The following GALNTL6 variants were observed in gnomAD, a reference collection of about 807,000 sequenced individuals.
The protein encoded by GALNTL6 is polypeptide N-acetylgalactosaminyltransferase-like 6.
GALNTL6 carries 46 observed loss-of-function variants against 73.7 expected under a neutral mutation model. The observed-to-expected ratio is 0.62, with a 90% confidence interval of 0.49 to 0.80. The LOEUF is 0.80. GALNTL6 is among the 30% of genes least tolerant of loss of function. GALNTL6 has a pLI of 0.00. For synonymous variants in GALNTL6, 259 were observed against 263.7 expected, an observed-to-expected ratio of 0.98 and a Z score of 0.17; for missense variants, 604 against 755.0, an observed-to-expected ratio of 0.80 and a Z score of 2.34.
chr4:171,961,311 G>A (rs974302533), intron 2 of GALNTL6, among the ~76,000 whole-genome samples: 30 of 152,162 alleles, frequency 2.0e-4, no homozygotes, highest in African/African-American at 6.8e-4. Flanking sequence ...CCTGTGGAAA[G>A]TAAAGAATAT....
intron 5 of GALNTL6, among the ~76,000 whole-genome samples, chr4:172,696,951 A>G (rs1364560994): frequency 6.6e-6 from 1 of 152,234 alleles, no homozygotes; most frequent in South Asian, 2.1e-4. Flanking sequence ...GTCACATTGT[A>G]TATTCAATAA....
intron 2 of GALNTL6, among the ~76,000 whole-genome samples, chr4:171,889,709 C>T (rs1190407015): frequency 1.3e-5 from 2 of 151,970 alleles, no homozygotes; most frequent in Non-Finnish European, 2.9e-5. Context: ...AAAAAGATGA[C>T]AAACTTTCTT....
intron 5 of GALNTL6, among the ~76,000 whole-genome samples, chr4:172,446,929 T>C (rs1579079118): frequency 6.6e-6 from 1 of 152,320 alleles, no homozygotes; most frequent in East Asian, 1.9e-4. Context: ...CCACATGCTA[T>C]TATTTTTCTC....
intron 12 of GALNTL6, among the ~76,000 whole-genome samples, chr4:173,022,030 A>AGAAGGAAGGAAGGAAG (rs750348404): frequency 4.2e-4 from 29 of 69,232 alleles, no homozygotes; most frequent in African/African-American, 1.3e-3. Context: ...AAGGAAGGAA[A>AGAAGGAAGGAAGGAAG]GAAGGAAGGA....
chr4:172,987,712 G>C (rs1439238580), intron 10 of GALNTL6, among the ~76,000 whole-genome samples: 11 of 147,690 alleles, frequency 7.4e-5, no homozygotes, highest in Non-Finnish European at 1.5e-5. Flanking sequence ...TCATGATAGT[G>C]AATGAGTTCT....
At chr4:172,822,547 C>T (rs62340297) in intron 7 of GALNTL6, among the ~76,000 whole-genome samples, 42,604 of 152,012 alleles carry the variant, frequency 0.28, 8,394 homozygotes, top group African/African-American at 0.55. Flanking sequence ...TTGGTAACAT[C>T]GCCTCTTAAA....
At chr4:172,477,189 CAG>C (rs34999026) in intron 5 of GALNTL6, among the ~76,000 whole-genome samples, 93,140 of 147,934 alleles carry the variant, frequency 0.63, 30,096 homozygotes, top group South Asian at 0.82. Context: ...ATGTGTAAAG[CAG>C]AGAGAGAGAG....
chr4:171,951,842 G>A (rs1434372542), intron 2 of GALNTL6, among the ~76,000 whole-genome samples: 1 of 151,936 alleles, frequency 6.6e-6, no homozygotes, highest in African/African-American at 2.4e-5. Context: ...CAAAACTTGA[G>A]GGATAAAGCT....
intron 5 of GALNTL6, among the ~76,000 whole-genome samples, chr4:172,573,162 A>G (rs918879046): frequency 1.2e-4 from 18 of 152,284 alleles, no homozygotes; most frequent in East Asian, 9.6e-4. Context: ...TAAAATATAA[A>G]AACAATTATA....
chr4:172,270,647 A>G (rs552197048), intron 3 of GALNTL6, among the ~76,000 whole-genome samples: 1 of 152,246 alleles, frequency 6.6e-6, no homozygotes, highest in East Asian at 1.9e-4. Flanking sequence ...TCAATTACTC[A>G]TATGGTGCTT....
At chr4:172,485,741 C>G (rs1733642208) in intron 5 of GALNTL6, among the ~76,000 whole-genome samples, 1 of 152,104 alleles carries the variant, frequency 6.6e-6, no homozygotes, top group Admixed American at 6.5e-5. Context: ...TGTCCTGGGG[C>G]ATTGTTTTGC....
chr4:172,759,799 CTTTTTTTTTTTTTTTTTTTTTTTTTTTT>C lies in GALNTL6; in HGVS notation c.554-49541_554-49514del, dbSNP rs764391767. On this transcript the variant is annotated intron_variant, in intron 5 of 12. Transcript: ENST00000506823. ...CTGCACTCTTTGAAATATTTATAGT[CTTTTTTTTTTTTTTTTTTTTTTTTTTTT>C]TTTTTTTTTTTTTTTTTTTTGAGAC... is the stretch of plus-strand genomic sequence containing the variant. Among the ~76,000 whole-genome samples, 65 of 87,702 alleles carry C rather than the reference CTTTTTTTTTTTTTTTTTTTTTTTTTTTT, an allele frequency of 7.4e-4. 1 individual carries two copies. The highest frequency in any genetic ancestry group is 2.8e-3 in the African/African-American group (50 of 17,658). The allele number at this position is 87,702 out of a possible 152,430, so 57.5% of individuals were successfully genotyped here.
At chr4:172,442,134 G>T (rs2111402885) in intron 5 of GALNTL6, among the ~76,000 whole-genome samples, 1 of 152,228 alleles carries the variant, frequency 6.6e-6, no homozygotes, top group Non-Finnish European at 1.5e-5. Context: ...TTGATCAAAA[G>T]GTCGCAGGAT....
intron 5 of GALNTL6, among the ~76,000 whole-genome samples, chr4:172,357,943 G>A (rs1014452045): frequency 3.3e-5 from 5 of 152,054 alleles, no homozygotes; most frequent in African/African-American, 4.8e-5. Context: ...TAAAATTTAA[G>A]CAATTCTTTT....
At chr4:172,333,022 T>C (rs1343468508) in intron 4 of GALNTL6, among the ~76,000 whole-genome samples, 1 of 152,186 alleles carries the variant, frequency 6.6e-6, no homozygotes, top group Non-Finnish European at 1.5e-5. Flanking sequence ...GTTACCTCAT[T>C]GTGGTTTTGA....
intron 2 of GALNTL6, among the ~76,000 whole-genome samples, chr4:171,923,501 C>T (rs1420268074): frequency 6.6e-6 from 1 of 151,222 alleles, no homozygotes; most frequent in Non-Finnish European, 1.5e-5. Flanking sequence ...GGGTTCACGC[C>T]ATTCTGTTGT....
intron 2 of GALNTL6, among the ~76,000 whole-genome samples, chr4:171,842,559 G>C (rs906072383): frequency 3.3e-5 from 5 of 152,094 alleles, no homozygotes; most frequent in Non-Finnish European, 7.4e-5. Context: ...TCCACTTCTG[G>C]TGAGGCCTCA....
At chr4:172,569,835 A>T (rs1736694830) in intron 5 of GALNTL6, among the ~76,000 whole-genome samples, 2 of 152,338 alleles carry the variant, frequency 1.3e-5, no homozygotes, top group South Asian at 4.1e-4. Flanking sequence ...CCCTCAGCAC[A>T]CTGGGAGCCG....
intron 10 of GALNTL6, among the ~76,000 whole-genome samples, chr4:172,993,944 AT>A (rs952284613): frequency 1.6e-4 from 25 of 152,308 alleles, no homozygotes; most frequent in African/African-American, 5.5e-4. Flanking sequence ...AACAAAAAAA[AT>A]ATTGGCTTTT....
Sources: gnomAD v4.1 joint callset for allele counts (sites outside exome capture counted in the v4.1 genomes callset) on GRCh38, gnomAD v4.1.1 for gene constraint, MANE v1.5 for transcripts, NCBI Gene and HGNC (gene_info 2026-07-23, HGNC 2026-07-21) for gene names.